The following PTPRG variants were observed in gnomAD, a reference collection of about 807,000 sequenced individuals.
PTPRG encodes receptor-type tyrosine-protein phosphatase gamma.
Under a neutral mutation model 165.3 loss-of-function variants are expected in PTPRG, and 102 were observed. The ratio of observed to expected loss-of-function variants is 0.62; its 90% CI spans 0.53 to 0.73. The LOEUF (loss-of-function observed/expected upper bound fraction) is 0.73, where lower values mean the gene tolerates loss of function less well. Among genes scored for constraint, PTPRG ranks in the 30% least tolerant of loss-of-function variants. The pLI is 0.00. For missense variants in PTPRG, 1,866 were observed against 1,861.4 expected (o/e 1.00, Z -0.05); for synonymous variants, 675 against 669.5 (o/e 1.01, Z -0.13).
intron 1 of PTPRG, among the ~76,000 whole-genome samples, chr3:61,675,866 C>G (rs778346417): frequency 6.6e-6 from 1 of 152,130 alleles, no homozygotes; most frequent in African/African-American, 2.4e-5. Context: ...CTCCCCAGAT[C>G]TACACATTCA....
chr3:61,834,720 G>A (rs529016239), intron 2 of PTPRG, among the ~76,000 whole-genome samples: 39 of 152,292 alleles, frequency 2.6e-4, no homozygotes, highest in African/African-American at 8.9e-4. Context: ...AGCTGAGGCA[G>A]GAGAATTGCT....
At chr3:62,083,293 GT>G (rs1477040091) in intron 5 of PTPRG, among the ~76,000 whole-genome samples, 1 of 151,596 alleles carries the variant, frequency 6.6e-6, no homozygotes, top group African/African-American at 2.4e-5. Context: ...GGAGAACGGG[GT>G]CTCACTATGT....
chr3:61,880,989 A>C (rs1197137069), intron 2 of PTPRG, among the ~76,000 whole-genome samples: 1 of 146,652 alleles, frequency 6.8e-6, no homozygotes, highest in Admixed American at 6.8e-5. Flanking sequence ...TATAGCCCCT[A>C]TTAATCTTCA....
At chr3:62,132,539 A>G in intron 5 of PTPRG, 63 bp from the exon 6 acceptor site, 1 of 1,317,878 alleles carries the variant, frequency 7.6e-7, no homozygotes, top group Non-Finnish European at 1.1e-6. Context: ...TAGAAGATTA[A>G]ACTGAGACTG....
chr3:61,840,396 T>A (rs576146121), intron 2 of PTPRG, among the ~76,000 whole-genome samples: 1 of 152,306 alleles, frequency 6.6e-6, no homozygotes, highest in South Asian at 2.1e-4. Flanking sequence ...AGTAAATGCT[T>A]TATATGTTGA....
chr3:62,182,453 A>C (rs1368928199), intron 8 of PTPRG, among the ~76,000 whole-genome samples: 2 of 152,214 alleles, frequency 1.3e-5, no homozygotes, highest in Admixed American at 6.5e-5. Context: ...TAAGTTCACA[A>C]ACTTCTGTGA....
At chr3:61,716,895 C>T (rs1160159169) in intron 1 of PTPRG, among the ~76,000 whole-genome samples, 1 of 152,146 alleles carries the variant, frequency 6.6e-6, no homozygotes, top group African/African-American at 2.4e-5. Flanking sequence ...TCACTTGAAC[C>T]TGGGCGGCAG....
intron 15 of PTPRG, among the ~76,000 whole-genome samples, chr3:62,248,851 T>A (rs2106965030): frequency 6.6e-6 from 1 of 152,290 alleles, no homozygotes; most frequent in South Asian, 2.1e-4. Flanking sequence ...CAGAAATGAT[T>A]CATGCCTTTC....
intron 2 of PTPRG, among the ~76,000 whole-genome samples, chr3:61,821,151 C>G (rs1322708190): frequency 6.6e-6 from 1 of 151,816 alleles, no homozygotes; most frequent in Non-Finnish European, 1.5e-5. Context: ...ATGATCAGTT[C>G]TCATTTGTCT....
chr3:61,876,865 C>G (rs1037595049), intron 2 of PTPRG, among the ~76,000 whole-genome samples: 62 of 152,258 alleles, frequency 4.1e-4, no homozygotes, highest in African/African-American at 1.4e-3. Flanking sequence ...TATCATTTAT[C>G]TGCCTAAAAT....
rs1701051822 is a variant in PTPRG at position 62,237,138 on chromosome 3, A to T, written c.2375+5827A>T. On this transcript the variant is annotated intron_variant, in intron 14 of 29. Coordinates refer to ENST00000474889, the MANE Select transcript of PTPRG (RefSeq NM_002841.4). This position sits in a 1 kb window ranked among gnomAD's most constrained non-coding sequence, Gnocchi z 4.5. Reference sequence around the variant, plus strand: ...TGTCAGAAGGGCAGAAAAAGATATAAGAAAATTGTTAGCTCATATCAGAGG... The same window carrying T: ...TGTCAGAAGGGCAGAAAAAGATATATGAAAATTGTTAGCTCATATCAGAGG... 6.6e-6 allele frequency among the ~76,000 whole-genome samples: 1 copy of T among 152,204 alleles called. No homozygotes were observed. Among genetic ancestry groups the T allele is most frequent in the South Asian group, 2.1e-4 (1 of 4,826 alleles).
chr3:62,164,760 T>C (rs550177142), intron 7 of PTPRG, among the ~76,000 whole-genome samples: 3 of 152,380 alleles, frequency 2.0e-5, no homozygotes, highest in East Asian at 3.9e-4. Flanking sequence ...TTTACAGTTA[T>C]GTGACTTGTT....
At chr3:61,813,543 CTGTGTGTGTGTGTGTG>C (rs58097355) in intron 2 of PTPRG, among the ~76,000 whole-genome samples, 291 of 116,916 alleles carry the variant, frequency 2.5e-3, no homozygotes, top group Non-Finnish European at 2.8e-3. Context: ...AAAAGAAAAT[CTGTGTGTGTGTGTGTG>C]TGTGTGTGTG....
chr3:61,903,525 C>T (rs992424082), intron 2 of PTPRG, among the ~76,000 whole-genome samples: 1 of 152,174 alleles, frequency 6.6e-6, no homozygotes, highest in Non-Finnish European at 1.5e-5. Context: ...AGGTGCCTAC[C>T]ACTAAGCCTG....
chr3:62,076,998 G>A (rs949764160), intron 4 of PTPRG, among the ~76,000 whole-genome samples: 1 of 152,168 alleles, frequency 6.6e-6, no homozygotes, highest in African/African-American at 2.4e-5. Flanking sequence ...AGGCCCAGTG[G>A]CTCACACTTG....
chr3:62,191,768 C>A, intron 9 of PTPRG, 115 bp downstream of exon 9: 2 of 1,084,222 alleles, frequency 1.8e-6, no homozygotes, highest in Admixed American at 5.0e-5. Context: ...CTCACACTGT[C>A]TGGTGAACAT....
At chr3:62,003,088 T>TA (rs145257015) in intron 3 of PTPRG, among the ~76,000 whole-genome samples, 6,500 of 152,174 alleles carry the variant, frequency 0.043, 197 homozygotes, top group African/African-American at 0.078. Flanking sequence ...TTTTTTTTTT[T>TA]AAATCTGTTA....
At chr3:62,097,777 A>T (rs1365693981) in intron 5 of PTPRG, among the ~76,000 whole-genome samples, 1 of 152,132 alleles carries the variant, frequency 6.6e-6, no homozygotes, top group Non-Finnish European at 1.5e-5. Context: ...AAAGTATATT[A>T]TTTGTTTTTA....
At chr3:61,993,164 T>G (rs1448189003) in intron 3 of PTPRG, among the ~76,000 whole-genome samples, 3 of 152,006 alleles carry the variant, frequency 2.0e-5, no homozygotes, top group African/African-American at 7.2e-5. Flanking sequence ...TTTTTTTTTT[T>G]AAGAAACCAC....
Sources: gnomAD v4.1 joint callset for allele counts (sites outside exome capture counted in the v4.1 genomes callset) on GRCh38, gnomAD v4.1.1 for gene constraint, Gnocchi (gnomAD v3.1) non-coding constraint, MANE v1.5 for transcripts, NCBI Gene and HGNC (gene_info 2026-07-23, HGNC 2026-07-21) for gene names.